The following PDXK variants were observed in gnomAD, a reference collection of about 807,000 sequenced individuals.
The protein encoded by PDXK is pyridoxal kinase, also known as epididymis secretory sperm binding protein Li 1a.
PDXK carries 15 observed loss-of-function variants against 43.2 expected under a neutral mutation model. That is an observed-to-expected ratio of 0.35 (90% CI 0.23 to 0.53). The LOEUF (loss-of-function observed/expected upper bound fraction) is 0.53. PDXK is among the 20% of genes least tolerant of loss of function. PDXK has a pLI of 0.92. For synonymous variants in PDXK, 172 were observed against 165.4 expected, an observed-to-expected ratio of 1.04 and a Z score of -0.31; for missense variants, 343 against 417.0, an observed-to-expected ratio of 0.82 and a Z score of 1.54.
intron 1 of PDXK, chr21:43,733,807 G>C: frequency 1.3e-6 from 1 of 749,816 alleles, no homozygotes; most frequent in Admixed American, 3.0e-5. Context: ...AGGTCCTGTG[G>C]GCTGGGCGAT....
intron 2 of PDXK, among the ~76,000 whole-genome samples, chr21:43,739,543 C>G (rs1388663397): frequency 2.1e-5 from 3 of 144,628 alleles, no homozygotes; most frequent in Admixed American, 6.8e-5. Context: ...ACAAACACCT[C>G]CTTCACATTG....
chr21:43,727,842 G>A (rs1271177937), intron 1 of PDXK, among the ~76,000 whole-genome samples: 2 of 152,314 alleles, frequency 1.3e-5, no homozygotes, highest in Admixed American at 6.5e-5. Flanking sequence ...GGGGGTGGAC[G>A]GGGCCCGAGG....
intron 1 of PDXK, among the ~76,000 whole-genome samples, chr21:43,729,395 G>A (rs1244765197): frequency 6.6e-6 from 1 of 152,230 alleles, no homozygotes; most frequent in African/African-American, 2.4e-5. Flanking sequence ...TGAGCTGAGA[G>A]AGGGGAGTTG....
chr21:43,755,523 G>A (rs1253725007), intron 9 of PDXK, 175 bp from the exon 10 acceptor site: 1 of 633,714 alleles, frequency 1.6e-6, no homozygotes, highest in Non-Finnish European at 2.8e-6. Flanking sequence ...TCTCCGTGGT[G>A]GGCAGTCCGC....
intron 6 of PDXK, among the ~76,000 whole-genome samples, chr21:43,750,231 G>T (rs2147299795): frequency 6.6e-6 from 1 of 152,388 alleles, no homozygotes; most frequent in African/African-American, 2.4e-5. Context: ...GGCCTTAAGT[G>T]GGGGCCGTGG....
rs144282510 is a variant in PDXK, at chr21:43,722,536, C to T, written c.87+3155C>T. 1.1e-4 allele frequency among the ~76,000 whole-genome samples: 16 copies of T among 152,336 alleles called. No homozygotes were observed. In the East Asian group the frequency reaches 2.7e-3, roughly 26 times the overall value. ...CCCGGACTGCCAAAACAAAGTACCA[C>T]AAACCAGGTTGCTCATTGTAGCAGA... On this transcript the variant is annotated intron_variant, in intron 1 of 10. Transcript: ENST00000291565.
intron 8 of PDXK, 55 bp from the exon 9 acceptor site, chr21:43,753,527 TG>T: frequency 6.4e-7 from 1 of 1,562,912 alleles, no homozygotes; most frequent in Non-Finnish European, 8.7e-7. Flanking sequence ...GATGGGAGGC[TG>T]GCCCTGGCAG....
At chr21:43,752,101 ATGTGTGTG>A (rs66466038) in intron 7 of PDXK, among the ~76,000 whole-genome samples, 1 of 146,498 alleles carries the variant, frequency 6.8e-6, no homozygotes, top group Non-Finnish European at 1.5e-5. Context: ...GATGCAGCAC[ATGTGTGTG>A]TGTGTGTGTG....
intron 2 of PDXK, among the ~76,000 whole-genome samples, chr21:43,739,419 T>A (rs2083456577): frequency 6.6e-6 from 1 of 152,108 alleles, no homozygotes; most frequent in African/African-American, 2.4e-5. Flanking sequence ...TCCCCAACAC[T>A]AATAAAGACA....
At position 43,753,698 on chromosome 21, in the gene PDXK, C is replaced by G. The variant is rs372098146; in HGVS notation, c.738C>G (p.His246Gln). 4.7e-5 allele frequency: 76 copies of G among 1,613,086 alleles called. No homozygotes were observed. The highest frequency in any genetic ancestry group is 6.1e-5 in the Non-Finnish European group (72 of 1,179,476). The change falls in exon 9 of 11, where the codon CAC (histidine) becomes CAG (glutamine). Residue 246 changes from histidine to glutamine, a missense_variant. Physicochemically the swap from His to Gln is conservative, Grantham distance 24 (BLOSUM62 0). Coordinates refer to ENST00000291565, the MANE Select transcript of PDXK (RefSeq NM_003681.5). ...CTGCCATGCTCCTGGCGTGGACACACAAGCACCCCAATAACCTCAAGGTCA... is the reference window on the plus strand; with the variant it reads ...CTGCCATGCTCCTGGCGTGGACACAGAAGCACCCCAATAACCTCAAGGTCA... ...LFAAMLLAWT[H>Q]KHPNNLKVAC...
At chr21:43,748,671 T>G (rs1264663029) in intron 5 of PDXK, among the ~76,000 whole-genome samples, 1 of 152,044 alleles carries the variant, frequency 6.6e-6, no homozygotes, top group African/African-American at 2.4e-5. Flanking sequence ...CCTGTGGGGT[T>G]TCCCTTTCCT....
Position 43,756,043 on chromosome 21 carries a change from G to A in PDXK, c.919G>A (p.Val307Ile), listed in dbSNP as rs150472480. 8.4e-5 allele frequency: 136 copies of A among 1,609,840 alleles called. No homozygotes were observed. The highest frequency in any genetic ancestry group is 7.2e-4 in the East Asian group (32 of 44,652). Residue 307 changes from valine (V) to isoleucine (I), a missense_variant, in exon 11 of 11, where the codon GTC becomes ATC. Coordinates refer to ENST00000291565, the MANE Select transcript of PDXK (RefSeq NM_003681.5). ...KRDIEDPEIV[V>I]QATVL is the part of the protein sequence containing the mutation. Reference sequence around the variant, plus strand: ...GGACATCGAGGACCCAGAGATCGTCGTCCAGGCCACGGTGCTGTGAGGGCC... The same window carrying A: ...GGACATCGAGGACCCAGAGATCGTCATCCAGGCCACGGTGCTGTGAGGGCC...
intron 4 of PDXK, 139 bp downstream of exon 4, chr21:43,743,946 T>A (rs1408594995): frequency 4.5e-6 from 3 of 671,756 alleles, no homozygotes; most frequent in Non-Finnish European, 8.1e-6. Flanking sequence ...CAGTGAATTG[T>A]GTCTGCTGGG....
In PDXK at chr21:43,753,578, C is replaced by T. The variant is rs368214047; in HGVS notation, c.623-5C>T. 6.2e-7 allele frequency: 1 copy of T among 1,609,168 alleles called. No homozygotes were observed. Among genetic ancestry groups the T allele is most frequent in the South Asian group, 1.1e-5 (1 of 90,586 alleles). Reference sequence around the variant, plus strand: ...TCAGTGACCTTGCCCATCTTCTCCCCCTAGGGAATCCCGCTGGCTCCGTGG... The same window carrying T: ...TCAGTGACCTTGCCCATCTTCTCCCTCTAGGGAATCCCGCTGGCTCCGTGG... On this transcript the variant is annotated splice_polypyrimidine_tract_variant and splice_region_variant and intron_variant, in intron 8 of 10. Coordinates refer to ENST00000291565, the MANE Select transcript of PDXK (RefSeq NM_003681.5).
chr21:43,748,950 C>T (rs775536313), intron 5 of PDXK, 45 bp from the exon 6 acceptor site: 1 of 1,245,748 alleles, frequency 8.0e-7, no homozygotes, highest in Non-Finnish European at 1.2e-6. Flanking sequence ...GGCGTGCTTC[C>T]CTCACGGTGA....
At chr21:43,720,028 G>A in intron 1 of PDXK, 1 of 706,172 alleles carries the variant, frequency 1.4e-6, no homozygotes. Flanking sequence ...CTCTGACGAG[G>A]AGAAGCCCCA....
chr21:43,755,380 T>C (rs1435326934), intron 9 of PDXK: 3 of 363,036 alleles, frequency 8.3e-6, no homozygotes, highest in Admixed American at 8.4e-5. Flanking sequence ...TTATAAGGAG[T>C]TAATTCTGGG....
At chr21:43,733,253 A>ACCCCCCCCCCCCCCCCC (rs1226314950) in intron 1 of PDXK, among the ~76,000 whole-genome samples, 11 of 56,168 alleles carry the variant, frequency 2.0e-4, no homozygotes, top group South Asian at 1.1e-3. Flanking sequence ...CCCCATCCCC[A>ACCCCCCCCCCCCCCCCC]CCCCCCCCCC....
intron 9 of PDXK, 80 bp downstream of exon 9, chr21:43,753,799 G>T: frequency 6.8e-7 from 1 of 1,471,042 alleles, no homozygotes. Flanking sequence ...TCCTGGTGGG[G>T]GGTCCCTGCT....
Sources: allele counts gnomAD v4.1 joint callset (sites outside exome capture counted in the v4.1 genomes callset), GRCh38; gene constraint gnomAD v4.1.1; transcripts MANE v1.5; gene names NCBI Gene and HGNC (gene_info 2026-07-23, HGNC 2026-07-21).